Variants in CUL7 observed in about 807,000 individuals in gnomAD.
CUL7 encodes cullin-7.
A neutral mutation model predicts 177.7 loss-of-function variants in CUL7; 96 were observed. That is an observed-to-expected ratio of 0.54 (90% confidence interval 0.46 to 0.64). The LOEUF (loss-of-function observed/expected upper bound fraction) is 0.64, where lower values mean the gene tolerates loss of function less well. Among genes scored for constraint, CUL7 ranks in the 30% least tolerant of loss-of-function variants. The probability of loss-of-function intolerance (pLI) is 0.00; values close to 1 mark genes in which losing one functional copy is unlikely to be tolerated. For synonymous variants in CUL7, 824 were observed against 890.2 expected (o/e 0.93, Z 1.32); for missense variants, 1,893 against 2,187.9 (o/e 0.87, Z 2.69).
rs965944454 is a variant in CUL7, at chr6:43,045,764, C to T, written c.2767-82G>A. On this transcript the variant is annotated intron_variant, in intron 13 of 25. Transcript: ENST00000265348. The surrounding 1 kb of genome is among the most constrained non-coding windows in gnomAD (Gnocchi z 4.8). ...AGGCTCCAGTCCCCTCACTGTTTCC[C>T]TCCCTTCCCCAGCCCTGGGATGTGT... is the stretch of plus-strand genomic sequence containing the variant. The T allele has an allele frequency of 4.8e-6, 7 of 1,467,254 alleles. No homozygotes were observed. The South Asian group carries it at 8.0e-5, about 17-fold the overall frequency. 90.9% of individuals were successfully genotyped at this position (1,467,254 alleles called of 1,614,324 possible). A position where few individuals can be genotyped will look rare whatever the true frequency, so the allele number is the denominator to read the frequency against.
In CUL7 at chr6:43,046,315, G is replaced by C. The variant is rs147452416; in HGVS notation, c.2581C>G (p.Pro861Ala). 1.5e-5 allele frequency: 24 copies of C among 1,614,110 alleles called. No homozygotes were observed. In the African/African-American group the frequency reaches 2.8e-4, roughly 19 times the overall value. ...CCGTTGGACTCCCAATAGGTCTTGGGGTTGTGGTCCGTCAGCTTGCTGGCC... is the reference window on the plus strand; with the variant it reads ...CCGTTGGACTCCCAATAGGTCTTGGCGTTGTGGTCCGTCAGCTTGCTGGCC... ...HRASKLTDHN[P>A]KTYWESNGSA... The change falls in exon 12 of 26, where the codon CCC becomes GCC. Residue 861 changes from proline to alanine, a missense_variant. Around this residue, in one of 5 missense-constraint regions of CUL7, gnomAD observed 973 missense variants for 1,140.9 expected, o/e 0.85. Coordinates refer to ENST00000265348, the MANE Select transcript of CUL7 (RefSeq NM_014780.5).
chr6:43,038,592 A>T lies in CUL7; in HGVS notation c.4541T>A (p.Leu1514His). Reference protein sequence around the residue: ...PLTSSRGPLDLHEQKDIPGGV... With the variant: ...PLTSSRGPLDHHEQKDIPGGV... ...TCCTGGTATATCCTTTTGCTCGTGA[A>T]GGTCCAGGGGGCCTCTTGAAGAGGT... The change falls in exon 24 of 26, where the codon CTT becomes CAT. Residue 1514 changes from leucine (L) to histidine (H), a missense_variant. Physicochemically the swap from Leu to His is moderately conservative, Grantham distance 99. Around this residue, in one of 5 missense-constraint regions of CUL7, gnomAD observed 248 missense variants for 262.5 expected, o/e 0.94. Transcript: ENST00000265348. The T allele has an allele frequency of 6.2e-7, 1 of 1,614,130 alleles. No individual in the cohort carries two copies. Among genetic ancestry groups the T allele is most frequent in the Non-Finnish European group, 8.5e-7 (1 of 1,180,008 alleles).
At position 43,041,084 on chromosome 6, in the gene CUL7, T is replaced by G. The variant is rs752394086; in HGVS notation, c.3646-9A>C. The G allele has an allele frequency of 1.2e-6, 2 of 1,613,530 alleles. No homozygotes were observed. The highest frequency in any genetic ancestry group is 2.7e-5 in the African/African-American group (2 of 75,000). On this transcript the variant is annotated splice_polypyrimidine_tract_variant and intron_variant, in intron 19 of 25. Coordinates refer to ENST00000265348, the MANE Select transcript of CUL7 (RefSeq NM_014780.5). ...GCGAACTGCTCACTCACCTGAGCAATGGCAGAGCACAGGAAAGCCATGAAT... is the reference window on the plus strand; with the variant it reads ...GCGAACTGCTCACTCACCTGAGCAAGGGCAGAGCACAGGAAAGCCATGAAT...
rs753755399 is a variant in CUL7 at position 43,052,311 on chromosome 6, G to C, written c.478C>G (p.Pro160Ala). Residue 160 changes from proline to alanine, a missense_variant, in exon 2 of 26, where the codon CCA becomes GCA. Coordinates refer to ENST00000265348, the MANE Select transcript of CUL7 (RefSeq NM_014780.5). This position sits in a 1 kb window ranked among gnomAD's most constrained non-coding sequence, Gnocchi z 4.5. Reference sequence around the variant, plus strand: ...TGCATGAGCAAGTCCAGGACCCTTGGGTCCTTGAATACTCCAGTGAGGGGC... The same window carrying C: ...TGCATGAGCAAGTCCAGGACCCTTGCGTCCTTGAATACTCCAGTGAGGGGC... Reference protein sequence around the residue: ...IEPLTGVFKDPRVLDLLMHML... With the variant: ...IEPLTGVFKDARVLDLLMHML... 2 of 1,614,228 alleles carry C rather than the reference G, an allele frequency of 1.2e-6. No homozygotes were observed. The highest frequency in any genetic ancestry group is 1.3e-5 in the African/African-American group (1 of 75,056).
Position 43,043,176 on chromosome 6 carries a change from G to T in CUL7, c.3360C>A (p.Gly1120=). The T allele has an allele frequency of 6.2e-7, 1 of 1,613,150 alleles. No homozygotes were observed. The highest frequency in any genetic ancestry group is 8.5e-7 in the Non-Finnish European group (1 of 1,179,314). ...AGCTCCAGTCGTGGCTTCTGTTTCT[G>T]CCTTCTGTAGAGACCAAGAAAGTGG... ...PPVVATPRPK[G]RNRSHDWSSL... Residue 1120 remains glycine (G), a synonymous_variant, in exon 18 of 26, where the codon GGC becomes GGA. Transcript: ENST00000265348. The surrounding 1 kb of genome is among the most constrained non-coding windows in gnomAD (Gnocchi z 4.2).
chr6:43,040,081 C>A lies in CUL7; in HGVS notation c.4294+75G>T. The A allele has an allele frequency of 6.4e-7, 1 of 1,558,746 alleles. No individual in the cohort carries two copies. The highest frequency in any genetic ancestry group is 2.2e-5 in the East Asian group (1 of 44,634). On this transcript the variant is annotated intron_variant, in intron 22 of 25. Coordinates refer to ENST00000265348, the MANE Select transcript of CUL7 (RefSeq NM_014780.5). The surrounding 1 kb of genome is among the most constrained non-coding windows in gnomAD (Gnocchi z 4.2). Reference sequence around the variant, plus strand: ...ACATCAAGCCTCCCAACATCAGGGTCTGCCCCCAACCCCAGGTCCTTTCCT... The same window carrying A: ...ACATCAAGCCTCCCAACATCAGGGTATGCCCCCAACCCCAGGTCCTTTCCT...
Position 43,053,841 on chromosome 6 carries a change from C to T in CUL7, c.-228G>A. ...CGGTCCCTGCCAGCGGCTCCGCCAG[C>T]CAAAAGCCACGGCTCATTTCCGCCC... On this transcript the variant is annotated 5_prime_UTR_variant, in exon 1 of 26. Transcript: ENST00000265348. This position sits in a 1 kb window ranked among gnomAD's most constrained non-coding sequence, Gnocchi z 4.1. 1.3e-6 allele frequency: 2 copies of T among 1,533,002 alleles called. No homozygotes were observed. Among genetic ancestry groups the T allele is most frequent in the Non-Finnish European group, 1.7e-6 (2 of 1,146,308 alleles). 95.0% of individuals were successfully genotyped at this position (1,533,002 alleles called of 1,614,324 possible). A position where few individuals can be genotyped will look rare whatever the true frequency, so the allele number is the denominator to read the frequency against.
At position 43,050,890 on chromosome 6, in the gene CUL7, C is replaced by T; in HGVS notation, c.1233+78G>A. 7.8e-6 allele frequency: 12 copies of T among 1,546,288 alleles called. No individual in the cohort carries two copies. The highest frequency in any genetic ancestry group is 1.1e-5 in the South Asian group (1 of 89,114). ...TTTCTCTTTGGGTGGCCTGCTGGAG[C>T]CCCCCCATATAGAAGTCCCAGCTCT... On this transcript the variant is annotated intron_variant, in intron 4 of 25. Coordinates refer to ENST00000265348, the MANE Select transcript of CUL7 (RefSeq NM_014780.5). The surrounding 1 kb of genome is among the most constrained non-coding windows in gnomAD (Gnocchi z 4.1).
Position 43,051,088 on chromosome 6 carries a change from C to G in CUL7, c.1113G>C (p.Leu371Phe). 3 of 1,614,180 alleles carry G rather than the reference C, an allele frequency of 1.9e-6. No homozygotes were observed. The highest frequency in any genetic ancestry group is 2.5e-6 in the Non-Finnish European group (3 of 1,180,046). The part of the protein sequence containing the change: ...SEFASGNTYA[L>F]YVRDTLQPGM... ...CCGGCTGCAGTGTGTCCCGCACATA[C>G]AAAGCATAGGTATTGCCACTTGCGA... The change falls in exon 4 of 26, where the codon TTG becomes TTC. Residue 371 changes from leucine to phenylalanine, a missense_variant. Physicochemically the swap from Leu to Phe is conservative, Grantham distance 22. Transcript: ENST00000265348. This position sits in a 1 kb window ranked among gnomAD's most constrained non-coding sequence, Gnocchi z 5.0.
In CUL7 at chr6:43,046,237, TGATGAG is replaced by T; in HGVS notation, c.2653_2658del (p.Leu885_Ile886del). ...AAAGCACATGTGTGGGAGAGTTACC[TGATGAG>T]GATGCCCCGGCGCATGTGCAGGGTG... On this transcript the variant is annotated inframe_deletion and splice_region_variant, in exon 12 of 26. Coordinates refer to ENST00000265348, the MANE Select transcript of CUL7 (RefSeq NM_014780.5). 6.2e-7 allele frequency: 1 copy of T among 1,614,172 alleles called. No individual in the cohort carries two copies. The highest frequency in any genetic ancestry group is 8.5e-7 in the Non-Finnish European group (1 of 1,180,028).
chr6:43,037,972 C>T lies in CUL7; in HGVS notation c.4813G>A (p.Gly1605Ser). ...AWQKGPCPPR[G>S]LVSSLGKGSA... The stretch of plus-strand genomic sequence containing the variant: ...CCCTTACCAAGGCTGCTGACCAAAC[C>T]CCTGGGAGGACACGGGCCCTTCTGC... The change falls in exon 26 of 26, where the codon GGT becomes AGT. Residue 1605 changes from glycine to serine, a missense_variant. Physicochemically the swap from Gly to Ser is moderately conservative, Grantham distance 56 (BLOSUM62 0). Around this residue, in one of 5 missense-constraint regions of CUL7, gnomAD observed 248 missense variants for 262.5 expected, o/e 0.94. Coordinates refer to ENST00000265348, the MANE Select transcript of CUL7 (RefSeq NM_014780.5). 2 of 1,596,322 alleles carry T rather than the reference C, an allele frequency of 1.3e-6. No homozygotes were observed. The highest frequency in any genetic ancestry group is 1.7e-6 in the Non-Finnish European group (2 of 1,169,636).
rs750660787 is a variant in CUL7, at chr6:43,045,670, G to T, written c.2779C>A (p.Pro927Thr). The T allele has an allele frequency of 6.2e-7, 1 of 1,614,184 alleles. No homozygotes were observed. Among genetic ancestry groups the T allele is most frequent in the Admixed American group, 1.7e-5 (1 of 60,026 alleles). The change falls in exon 14 of 26, where the codon CCC becomes ACC. Residue 927 changes from proline (P) to threonine (T), a missense_variant. Pro to Thr is a conservative substitution (Grantham distance 38, BLOSUM62 -1). Transcript: ENST00000265348. This position sits in a 1 kb window ranked among gnomAD's most constrained non-coding sequence, Gnocchi z 4.8. The stretch of plus-strand genomic sequence containing the variant: ...AGGAGGATCACCCGGCTGGCAGAGG[G>T]CATCACATTCACCTGGCAGGGGGCA... ...HTELNSVNVM[P>T]SASRVILLEN...
chr6:43,039,902 C>T (rs1035712442), intron 22 of CUL7, among the ~76,000 whole-genome samples: 1 of 152,000 alleles, frequency 6.6e-6, no homozygotes, highest in Admixed American at 6.6e-5. Context: ...CCACACCCGG[C>T]TAATTTCTGT....
At position 43,051,991 on chromosome 6, in the gene CUL7, A is replaced by G; in HGVS notation, c.580+218T>C. 1.0e-6 allele frequency: 1 copy of G among 958,550 alleles called. No individual in the cohort carries two copies. The highest frequency in any genetic ancestry group is 1.6e-5 in the South Asian group (1 of 60,988). The allele number at this position is 958,550 out of a possible 1,614,324, so 59.4% of individuals were successfully genotyped here. ...TTCTTCCTTTGCATAAAAAGCAACT[A>G]ATTAATATGAGGTTCTTGAAGATAG... On this transcript the variant is annotated intron_variant, in intron 2 of 25. Coordinates refer to ENST00000265348, the MANE Select transcript of CUL7 (RefSeq NM_014780.5). This position sits in a 1 kb window ranked among gnomAD's most constrained non-coding sequence, Gnocchi z 5.0.
chr6:43,045,218 C>A lies in CUL7; in HGVS notation c.3038+9G>T. 1 of 1,613,374 alleles carries A rather than the reference C, an allele frequency of 6.2e-7. No individual in the cohort carries two copies. The highest frequency in any genetic ancestry group is 1.3e-5 in the African/African-American group (1 of 75,020). Reference sequence around the variant, plus strand: ...ACAGACACAAGCATACACGCACACTCTCACACACCTAGAACTCAGGTGCAG... The same window carrying A: ...ACAGACACAAGCATACACGCACACTATCACACACCTAGAACTCAGGTGCAG... On this transcript the variant is annotated intron_variant, in intron 15 of 25. Transcript: ENST00000265348. This position sits in a 1 kb window ranked among gnomAD's most constrained non-coding sequence, Gnocchi z 4.8.
chr6:43,053,558 C>T lies in CUL7; in HGVS notation c.-9+64G>A. ...GATGGGGACCGAGGTTGGGTGAGCG[C>T]GAGGCTCGATGGGCTAGTGGGCAGG... On this transcript the variant is annotated intron_variant, in intron 1 of 25. Transcript: ENST00000265348. The surrounding 1 kb of genome is among the most constrained non-coding windows in gnomAD (Gnocchi z 4.1). The T allele has an allele frequency of 1.7e-6, 2 of 1,146,496 alleles. No individual in the cohort carries two copies. The highest frequency in any genetic ancestry group is 2.3e-6 in the Non-Finnish European group (2 of 877,280). The allele number at this position is 1,146,496 out of a possible 1,614,324, so 71.0% of individuals were successfully genotyped here. A position where few individuals can be genotyped will look rare whatever the true frequency, so the allele number is the denominator to read the frequency against.
In CUL7 at chr6:43,045,606, C is replaced by A. The variant is rs141027893; in HGVS notation, c.2843G>T (p.Arg948Leu). 3.1e-6 allele frequency: 5 copies of A among 1,614,200 alleles called. No individual in the cohort carries two copies. In the South Asian group the frequency reaches 5.5e-5, roughly 18 times the overall value. The change falls in exon 14 of 26, where the codon CGC (arginine) becomes CTC (leucine). Residue 948 changes from arginine (R) to leucine (L), a missense_variant. Physicochemically the swap from Arg to Leu is moderately radical, Grantham distance 102 (BLOSUM62 -2). Coordinates refer to ENST00000265348, the MANE Select transcript of CUL7 (RefSeq NM_014780.5). This position sits in a 1 kb window ranked among gnomAD's most constrained non-coding sequence, Gnocchi z 4.8. ...LTRFWPIIQIRIKRCQQGGID... is the reference protein window; with the variant it reads ...LTRFWPIIQILIKRCQQGGID... The stretch of plus-strand genomic sequence containing the variant: ...CCCCACCTGCTGGCAGCGCTTTATG[C>A]GGATCTGGATGATGGGCCAGAAGCG...
chr6:43,043,123 C>A lies in CUL7; in HGVS notation c.3413G>T (p.Ser1138Ile). 6.2e-7 allele frequency: 1 copy of A among 1,614,124 alleles called. No individual in the cohort carries two copies. The highest frequency in any genetic ancestry group is 8.5e-7 in the Non-Finnish European group (1 of 1,180,028). The change falls in exon 18 of 26, where the codon AGC becomes ATC. Residue 1138 changes from serine (S) to isoleucine (I), a missense_variant. By Grantham distance (142) the Ser-to-Ile change is moderately radical. This residue lies in a region of CUL7 where 973 missense variants were observed against 1,140.9 expected (regional missense o/e 0.85). Coordinates refer to ENST00000265348, the MANE Select transcript of CUL7 (RefSeq NM_014780.5). The surrounding 1 kb of genome is among the most constrained non-coding windows in gnomAD (Gnocchi z 4.2). Reference protein sequence around the residue: ...SSLATRGLPSSIMRNLTRCWR... With the variant: ...SSLATRGLPSIIMRNLTRCWR... Reference sequence around the variant, plus strand: ...ACAGCGCGTCAGGTTTCTCATGATGCTGCTTGGAAGGCCCCGGGTAGCCAA... The same window carrying A: ...ACAGCGCGTCAGGTTTCTCATGATGATGCTTGGAAGGCCCCGGGTAGCCAA...
chr6:43,049,108 A>G (rs1415064148), intron 7 of CUL7, among the ~76,000 whole-genome samples: 2 of 152,234 alleles, frequency 1.3e-5, no homozygotes, highest in Non-Finnish European at 2.9e-5. Flanking sequence ...CTTCATCTGA[A>G]AACAGGAGAG....
Sources: gnomAD v4.1 joint callset for allele counts (sites outside exome capture counted in the v4.1 genomes callset) on GRCh38, gnomAD v4.1.1 for gene constraint, gnomAD v4.1.1 regional missense constraint, Gnocchi (gnomAD v3.1) non-coding constraint, MANE v1.5 for transcripts, NCBI Gene and HGNC (gene_info 2026-07-23, HGNC 2026-07-21) for gene names.